Variants in RPS29 observed in about 807,000 individuals in gnomAD.
RPS29 encodes small ribosomal subunit protein uS14.
For synonymous variants in RPS29, 37 were observed against 26.9 expected, an observed-to-expected ratio of 1.37 and a Z score of -1.16; for missense variants, 60 against 75.7, an observed-to-expected ratio of 0.79 and a Z score of 0.77.
upstream of RPS29, chr14:49,586,730 C>CG (rs528504090): frequency 2.1e-5 from 5 of 239,740 alleles, no homozygotes; most frequent in Non-Finnish European, 4.3e-5. Flanking sequence ...CTCCCGGGAG[C>CG]GGGGGACCAC....
intron 1 of RPS29, 23 bp from the exon 2 acceptor site, chr14:49,586,072 T>C: frequency 6.2e-7 from 1 of 1,600,430 alleles, no homozygotes; most frequent in Non-Finnish European, 8.6e-7. Flanking sequence ...AGACAGCGGT[T>C]TTGCAGGTCA....
rs549644742 is a variant in RPS29 at position 49,593,645 on chromosome 14, A to C, written c.-133+4755T>G. Among the ~76,000 whole-genome samples the C allele has an allele frequency of 1.5e-5, 2 of 135,366 alleles. 1 individual carries two copies. The highest frequency in any genetic ancestry group is 5.4e-5 in the African/African-American group (2 of 37,132). 88.8% of individuals were successfully genotyped at this position (135,366 alleles called of 152,430 possible). ...GAAGTGGAAGTTGCAATGAGCCGAG[A>C]TCACGGCATCGCACTCCAGCCTGGG... On this transcript the variant is annotated intron_variant, in intron 1 of 3. Transcript: ENST00000556230.
At chr14:49,584,076 G>C (rs1311936612) in intron 2 of RPS29, among the ~76,000 whole-genome samples, 1 of 152,152 alleles carries the variant, frequency 6.6e-6, no homozygotes, top group African/African-American at 2.4e-5. Flanking sequence ...CAGCCTCCTG[G>C]GTTCAAGCGA....
upstream of RPS29, among the ~76,000 whole-genome samples, chr14:49,587,082 G>A (rs964454062): frequency 6.6e-6 from 1 of 151,970 alleles, no homozygotes; most frequent in African/African-American, 2.4e-5. Flanking sequence ...TCAACGGTAG[G>A]GTTTGCTTTT....
chr14:49,588,048 G>T (rs1038892920), upstream of RPS29, among the ~76,000 whole-genome samples: 4 of 152,228 alleles, frequency 2.6e-5, no homozygotes, highest in Non-Finnish European at 5.9e-5. Flanking sequence ...ATTTATATCA[G>T]TCACTAATGT....
chr14:49,579,694 A>C (rs893858787), downstream of RPS29, among the ~76,000 whole-genome samples: 3 of 152,216 alleles, frequency 2.0e-5, no homozygotes, highest in East Asian at 5.8e-4. Flanking sequence ...ATTAATCTAC[A>C]AGGCATCTTG....
chr14:49,598,634 G>A (rs1223266938), exon 1 of RPS29: 5 of 701,140 alleles, frequency 7.1e-6, no homozygotes, highest in South Asian at 1.5e-5. Flanking sequence ...GCGGCCCGAC[G>A]TGCGCCCGCA....
chr14:49,581,226 T>C (rs779882816), downstream of RPS29, among the ~76,000 whole-genome samples: 12 of 152,118 alleles, frequency 7.9e-5, 1 homozygote, highest in Non-Finnish European at 1.5e-5. Flanking sequence ...AAAGATAATT[T>C]AGCTGCAACC....
chr14:49,589,426 T>A (rs1210994101), upstream of RPS29, among the ~76,000 whole-genome samples: 4 of 152,200 alleles, frequency 2.6e-5, no homozygotes, highest in African/African-American at 9.6e-5. Flanking sequence ...AAAGTATAGA[T>A]CTTATTTTTA....
chr14:49,575,392 T>G (rs1881153107), exon 3 of RPS29: 1 of 152,190 alleles, frequency 6.6e-6, no homozygotes, highest in Non-Finnish European at 1.5e-5. Flanking sequence ...AGTGGGTGAG[T>G]GACAGAAGGA....
downstream of RPS29, chr14:49,583,511 A>C (rs1018320691): frequency 1.1e-5 from 9 of 807,242 alleles, no homozygotes; most frequent in African/African-American, 1.6e-4. Flanking sequence ...TCTCAAAAAA[A>C]AAAAGAAAAA....
downstream of RPS29, among the ~76,000 whole-genome samples, chr14:49,578,885 C>T (rs1881261466): frequency 6.6e-6 from 1 of 152,072 alleles, no homozygotes; most frequent in Admixed American, 6.6e-5. Context: ...TGAACATTTA[C>T]AGTTTAGTGG....
chr14:49,581,369 C>T (rs1881328481), downstream of RPS29, among the ~76,000 whole-genome samples: 1 of 152,180 alleles, frequency 6.6e-6, no homozygotes, highest in Non-Finnish European at 1.5e-5. Flanking sequence ...CTGCTTAAAA[C>T]AGATTCTACT....
At chr14:49,573,984 T>C (rs1381583050) in exon 3 of RPS29, 2 of 152,254 alleles carry the variant, frequency 1.3e-5, no homozygotes, top group Non-Finnish European at 2.9e-5. Flanking sequence ...TAGTCTCTTG[T>C]TGATTTGTCT....
chr14:49,590,250 G>A (rs1462093062), upstream of RPS29, among the ~76,000 whole-genome samples: 2 of 152,134 alleles, frequency 1.3e-5, no homozygotes, highest in Non-Finnish European at 2.9e-5. Context: ...GGCTGAGGCA[G>A]GCAGATCACA....
downstream of RPS29, among the ~76,000 whole-genome samples, chr14:49,578,893 T>C (rs942938793): frequency 3.9e-5 from 6 of 152,122 alleles, no homozygotes; most frequent in African/African-American, 7.2e-5. Flanking sequence ...TACAGTTTAG[T>C]GGTAAGAGCA....
At chr14:49,575,039 C>CTTTCTTTATCTTTTTTTTTGA (rs1439246011) in exon 3 of RPS29, 1 of 152,116 alleles carries the variant, frequency 6.6e-6, no homozygotes, top group African/African-American at 2.4e-5. Flanking sequence ...TCAGGGATCT[C>CTTTCTTTATCTTTTTTTTTGA]TTTCTTTATC....
At chr14:49,580,149 C>T (rs1881295716), downstream of RPS29, among the ~76,000 whole-genome samples, 1 of 152,176 alleles carries the variant, frequency 6.6e-6, no homozygotes, top group South Asian at 2.1e-4. Context: ...CACACTGGAC[C>T]AGAGCCCAGC....
exon 3 of RPS29, chr14:49,576,538 T>C (rs1345064573): frequency 1.3e-5 from 2 of 152,210 alleles, no homozygotes; most frequent in African/African-American, 4.8e-5. Context: ...CCATTAAAGA[T>C]AGTTTTTAAG....
Sources: allele counts gnomAD v4.1 joint callset (sites outside exome capture counted in the v4.1 genomes callset), GRCh38; gene constraint gnomAD v4.1.1; transcripts MANE v1.5; gene names NCBI Gene and HGNC (gene_info 2026-07-23, HGNC 2026-07-21).